The following SAG variants were observed in gnomAD, a reference collection of about 807,000 sequenced individuals.
The protein encoded by SAG is S-arrestin.
A neutral mutation model predicts 55.0 loss-of-function variants in SAG; 45 were observed. The observed-to-expected ratio is 0.82, with a 90% CI of 0.64 to 1.05. The LOEUF (loss-of-function observed/expected upper bound fraction) is 1.05, where lower values mean the gene tolerates loss of function less well. SAG is among the 50% of genes least tolerant of loss of function. The pLI is 0.00. For missense variants in SAG, 455 were observed against 512.1 expected, an observed-to-expected ratio of 0.89 and a Z score of 1.08; for synonymous variants, 189 against 197.4, an observed-to-expected ratio of 0.96 and a Z score of 0.36.
chr2:233,330,351 C>T (rs903393675), intron 9 of SAG, among the ~76,000 whole-genome samples: 4 of 152,130 alleles, frequency 2.6e-5, no homozygotes, highest in Non-Finnish European at 4.4e-5. Flanking sequence ...TGGGCTCTCC[C>T]GGGCAAGCCA....
intron 11 of SAG, 68 bp downstream of exon 11, chr2:233,335,167 A>C: frequency 6.4e-7 from 1 of 1,555,004 alleles, no homozygotes; most frequent in Non-Finnish European, 8.7e-7. Flanking sequence ...TTCCCTTCAC[A>C]TCACCCTGCT....
rs1700765677 is a variant in SAG at position 233,331,631 on chromosome 2, C to T, written c.734-9C>T. On this transcript the variant is annotated splice_polypyrimidine_tract_variant and intron_variant, in intron 9 of 15. Transcript: ENST00000409110. Reference sequence around the variant, plus strand: ...TGCTGACCACCGGACTCCCGTCTTCCCCTTGCAGTGGAACAGGTGGCCAAT... The same window carrying T: ...TGCTGACCACCGGACTCCCGTCTTCTCCTTGCAGTGGAACAGGTGGCCAAT... 3 of 1,608,454 alleles carry T rather than the reference C, an allele frequency of 1.9e-6. No homozygotes were observed. The highest frequency in any genetic ancestry group is 2.2e-5 in the East Asian group (1 of 44,834).
intron 5 of SAG, 116 bp downstream of exon 5, chr2:233,320,939 C>T (rs1411077582): frequency 3.5e-6 from 3 of 862,422 alleles, no homozygotes; most frequent in South Asian, 3.8e-5. Context: ...CTGGAAATTG[C>T]ACCCTTGAAA....
rs1700770104 is a variant in SAG at position 233,331,708 on chromosome 2, G to C, written c.802G>C (p.Ala268Pro). ...CGTCAAGCCCGTGGCTATGGAGGAA[G>C]CGCAGTGAGTAGCTGTTGGGGTTTC... The part of the protein sequence containing the change: ...YYVKPVAMEE[A>P]QEKVPPNSTL... The change falls in exon 10 of 16, where the codon GCG becomes CCG. Residue 268 changes from alanine (A) to proline (P), a missense_variant. Coordinates refer to ENST00000409110, the MANE Select transcript of SAG (RefSeq NM_000541.5). 1.2e-6 allele frequency: 2 copies of C among 1,612,064 alleles called. No homozygotes were observed. The highest frequency in any genetic ancestry group is 1.7e-6 in the Non-Finnish European group (2 of 1,178,378).
intron 2 of SAG, among the ~76,000 whole-genome samples, chr2:233,313,321 C>G (rs1268587072): frequency 6.6e-6 from 1 of 152,186 alleles, no homozygotes; most frequent in East Asian, 1.9e-4. Flanking sequence ...GGAGCTGTGG[C>G]AGAGCCGCTG....
intron 5 of SAG, 39 bp from the exon 6 acceptor site, chr2:233,322,907 T>A: frequency 7.9e-7 from 1 of 1,263,150 alleles, no homozygotes; most frequent in Non-Finnish European, 1.1e-6. Flanking sequence ...GAACAGCCCC[T>A]TCTGAAATAA....
intron 2 of SAG, among the ~76,000 whole-genome samples, chr2:233,310,623 C>T (rs538048391): frequency 3.3e-5 from 5 of 151,574 alleles, no homozygotes; most frequent in African/African-American, 1.2e-4. Flanking sequence ...AATTCTGCCT[C>T]GGCCTCCCTA....
chr2:233,327,995 A>T (rs562758015), intron 7 of SAG: 1 of 152,408 alleles, frequency 6.6e-6, no homozygotes, highest in African/African-American at 2.4e-5. Flanking sequence ...CATCCTTCCC[A>T]TTCTCCCACC....
At chr2:233,321,789 T>C (rs1700386967) in intron 5 of SAG, among the ~76,000 whole-genome samples, 1 of 152,158 alleles carries the variant, frequency 6.6e-6, no homozygotes, top group Admixed American at 6.6e-5. Flanking sequence ...ATCACAACTG[T>C]TTTACAAAAT....
intron 9 of SAG, among the ~76,000 whole-genome samples, chr2:233,330,511 TC>T: frequency 6.8e-6 from 1 of 147,808 alleles, no homozygotes; most frequent in South Asian, 2.2e-4. Context: ...CTTCCTTCCT[TC>T]CTTCCTTCCT....
chr2:233,310,002 C>T (rs1700034045), intron 2 of SAG, among the ~76,000 whole-genome samples: 1 of 152,248 alleles, frequency 6.6e-6, no homozygotes, highest in African/African-American at 2.4e-5. Flanking sequence ...TCTCCGTGCA[C>T]CTACCCCACC....
At chr2:233,346,537 C>A in intron 15 of SAG, 125 bp downstream of exon 15, 1 of 1,024,426 alleles carries the variant, frequency 9.8e-7, no homozygotes, top group Non-Finnish European at 1.5e-6. Context: ...GGAGGCACAT[C>A]CGCTACTTCC....
rs2125337199 is a variant in SAG, at chr2:233,328,840, GC to G, written c.648+228del. The G allele has an allele frequency of 6.4e-6, 3 of 469,558 alleles. No homozygotes were observed. The East Asian group carries it at 1.0e-4, about 16-fold the overall frequency. 29.1% of individuals were successfully genotyped at this position (469,558 alleles called of 1,614,324 possible). A position where few individuals can be genotyped will look rare whatever the true frequency, so the allele number is the denominator to read the frequency against. On this transcript the variant is annotated intron_variant, in intron 8 of 15. Transcript: ENST00000409110. ...GAACTGGCTTGCGTTCCACCCACTGGCTGTCCCGAGGGACTGGGGAAGGAAG... is the reference window on the plus strand; with the variant it reads ...GAACTGGCTTGCGTTCCACCCACTGGTGTCCCGAGGGACTGGGGAAGGAAG...
chr2:233,341,990 G>T (rs1466040764), intron 13 of SAG, among the ~76,000 whole-genome samples: 1 of 152,122 alleles, frequency 6.6e-6, no homozygotes, highest in Non-Finnish European at 1.5e-5. Context: ...AGGCCATGGT[G>T]GCATGCATTT....
Position 233,335,011 on chromosome 2 carries a change from C to G in SAG, c.856C>G (p.Pro286Ala). 6.2e-7 allele frequency: 1 copy of G among 1,613,980 alleles called. No homozygotes were observed. The highest frequency in any genetic ancestry group is 8.5e-7 in the Non-Finnish European group (1 of 1,179,826). The change falls in exon 11 of 16, where the codon CCC becomes GCC. Residue 286 changes from proline (P) to alanine (A), a missense_variant. Coordinates refer to ENST00000409110, the MANE Select transcript of SAG (RefSeq NM_000541.5). ...STLTKTLTLL[P>A]LLANNRERRG... ...TTTGACCAAGACGCTGACGCTGCTG[C>G]CCTTGCTGGCTAACAATCGAGAAAG...
intron 11 of SAG, among the ~76,000 whole-genome samples, chr2:233,338,230 C>T (rs556890554): frequency 6.6e-6 from 1 of 152,364 alleles, no homozygotes; most frequent in East Asian, 1.9e-4. Flanking sequence ...TCACAGGCTG[C>T]TTCTGAGGCT....
chr2:233,336,025 C>T (rs1468783711), intron 11 of SAG, among the ~76,000 whole-genome samples: 1 of 152,204 alleles, frequency 6.6e-6, no homozygotes, highest in African/African-American at 2.4e-5. Context: ...AGGTGGAAGT[C>T]AAAGGATTTT....
chr2:233,346,829 T>G lies in SAG; in HGVS notation c.1135T>G (p.Phe379Val). ...TAGTTATCAGGATGCAAATTTAGTT[T>G]TTGAGGAGTTTGCTCGCCATAATCT... ...KESYQDANLV[F>V]EEFARHNLKD... The change falls in exon 16 of 16, where the codon TTT becomes GTT. Residue 379 changes from phenylalanine (F) to valine (V), a missense_variant. Phe to Val is a conservative substitution (Grantham distance 50). Coordinates refer to ENST00000409110, the MANE Select transcript of SAG (RefSeq NM_000541.5). 1 of 1,611,370 alleles carries G rather than the reference T, an allele frequency of 6.2e-7. No homozygotes were observed. The highest frequency in any genetic ancestry group is 8.5e-7 in the Non-Finnish European group (1 of 1,178,230).
chr2:233,327,797 G>A (rs569300360), intron 7 of SAG: 40 of 152,496 alleles, frequency 2.6e-4, no homozygotes, highest in South Asian at 1.4e-3. Context: ...TGATCCGCCC[G>A]CCTTGGCCTC....
Sources: allele counts gnomAD v4.1 joint callset (sites outside exome capture counted in the v4.1 genomes callset), GRCh38; gene constraint gnomAD v4.1.1; transcripts MANE v1.5; gene names NCBI Gene and HGNC (gene_info 2026-07-23, HGNC 2026-07-21).